L1CAM: variants seen among roughly 807,000 people sequenced by gnomAD.
The protein encoded by L1CAM is L1 cell adhesion molecule.
A neutral mutation model predicts 93.0 loss-of-function variants in L1CAM; 8 were observed. The ratio of observed to expected loss-of-function variants is 0.09; its 90% CI spans 0.05 to 0.16. L1CAM has a LOEUF of 0.16. Ranked by LOEUF, L1CAM falls within the 10% of genes least tolerant of loss-of-function variation. The pLI, the probability that L1CAM is intolerant of heterozygous loss-of-function variation, is 1.00. For missense variants in L1CAM, 777 were observed against 1,073.4 expected (o/e 0.72, Z 3.86); for synonymous variants, 453 against 453.0 (o/e 1.00, Z 0.00).
chrX:153,864,083 T>A, intron 25 of L1CAM, 66 bp from the exon 26 acceptor site: 1 of 1,196,245 alleles, frequency 8.4e-7, no homozygotes, highest in Non-Finnish European at 1.1e-6. Flanking sequence ...GGCCCTGAAG[T>A]ATGCTCTTAA....
In L1CAM at chrX:153,870,368, C is replaced by T. The variant is rs199738316; in HGVS notation, c.806+20G>A. 2 of 1,198,289 alleles carry T rather than the reference C, an allele frequency of 1.7e-6. No individual in the cohort carries two copies. The highest frequency in any genetic ancestry group is 5.9e-5 in the East Asian group (2 of 33,738). ...CGCCACCCTGCCCTGCCCTGCCCTG[C>T]CCTGGGTTCCCAGACTCACAAGCCC... is the stretch of plus-strand genomic sequence containing the variant. On this transcript the variant is annotated intron_variant, in intron 8 of 28. Coordinates refer to ENST00000370060, the MANE Select transcript of L1CAM (RefSeq NM_001278116.2).
Position 153,884,200 on chromosome X carries a change from C to T in L1CAM, c.-109+1865G>A, listed in dbSNP as rs371706434. On this transcript the variant is annotated intron_variant, in intron 1 of 28. Transcript: ENST00000370060. ...GCTCTTCCATGGGCAGCCCAGAGCC[C>T]GGCCCAAAGGAGCACTGGCCATGAG... 5,099 of 993,536 alleles carry T rather than the reference C, an allele frequency of 5.1e-3. 7 individuals carry two copies. The highest frequency in any genetic ancestry group is 6.2e-3 in the Non-Finnish European group (4,701 of 761,029). 81.9% of individuals were successfully genotyped at this position (993,536 alleles called of 1,213,427 possible). A position where few individuals can be genotyped will look rare whatever the true frequency, so the allele number is the denominator to read the frequency against.
intron 19 of L1CAM, chrX:153,866,038 G>A: frequency 2.4e-6 from 1 of 413,181 alleles, no homozygotes; most frequent in Non-Finnish European, 4.3e-6. Flanking sequence ...ACCATGGCTG[G>A]GCGTGATGGT....
chrX:153,873,146 G>A (rs2064787435), intron 3 of L1CAM, 82 bp downstream of exon 3: 2 of 970,969 alleles, frequency 2.1e-6, no homozygotes, highest in South Asian at 1.9e-5. Context: ...ACTCAGGAGG[G>A]CGGGGGTGCA....
chrX:153,877,514 C>T (rs1246098841), intron 1 of L1CAM, among the ~76,000 whole-genome samples: 73 of 109,765 alleles, frequency 6.7e-4, no homozygotes, highest in African/African-American at 2.4e-3. Flanking sequence ...GTAATCCCAG[C>T]TACTTGGGAG....
intron 1 of L1CAM, chrX:153,883,579 G>A (rs782087372): frequency 7.6e-6 from 2 of 264,658 alleles, no homozygotes; most frequent in South Asian, 7.2e-5. Context: ...CCATTGCAGG[G>A]GCAGAGGACA....
chrX:153,877,494 G>T (rs1247089486), intron 1 of L1CAM, among the ~76,000 whole-genome samples: 1 of 108,695 alleles, frequency 9.2e-6, no homozygotes, highest in Non-Finnish European at 1.9e-5. Flanking sequence ...TGGCGTGGTG[G>T]TGCATTCCTG....
rs1220741894 is a variant in L1CAM, at chrX:153,863,001, G to A, written c.3543-107C>T. On this transcript the variant is annotated intron_variant, in intron 28 of 28. Transcript: ENST00000370060. ...CCTGCCTTCCATTTGTTTAGAATGC[G>A]CTCAGAAAGAGCAGCTCTGGCCACC... The A allele has an allele frequency of 5.1e-5, 32 of 632,345 alleles. No individual in the cohort carries two copies. The South Asian group carries it at 6.8e-4, about 13-fold the overall frequency. 52.1% of individuals were successfully genotyped at this position (632,345 alleles called of 1,213,427 possible). A position where few individuals can be genotyped will look rare whatever the true frequency, so the allele number is the denominator to read the frequency against.
chrX:153,881,369 T>C (rs1274903377), intron 1 of L1CAM, among the ~76,000 whole-genome samples: 1 of 111,795 alleles, frequency 8.9e-6, no homozygotes, highest in Non-Finnish European at 1.9e-5. Context: ...CCAACATGTG[T>C]GCCTGCTGGG....
intron 7 of L1CAM, 70 bp downstream of exon 7, chrX:153,870,720 C>T (rs1256001783): frequency 9.3e-7 from 1 of 1,080,566 alleles, no homozygotes; most frequent in African/African-American, 1.8e-5. Context: ...TCAGATGGAC[C>T]TATGGTGGGA....
chrX:153,882,890 G>A (rs2064852862), intron 1 of L1CAM, among the ~76,000 whole-genome samples: 1 of 112,180 alleles, frequency 8.9e-6, no homozygotes, highest in Non-Finnish European at 1.9e-5. Flanking sequence ...ACAAAGAAAA[G>A]CTTCTAGAAA....
Position 153,868,663 on chromosome X carries a change from G to C in L1CAM, c.1444C>G (p.Leu482Val). 8.3e-7 allele frequency: 1 copy of C among 1,211,324 alleles called. No individual in the cohort carries two copies. Among genetic ancestry groups the C allele is most frequent in the Non-Finnish European group, 1.1e-6 (1 of 894,877 alleles). Residue 482 changes from leucine (L) to valine (V), a missense_variant, in exon 13 of 29, where the codon CTG (leucine) becomes GTG (valine). Coordinates refer to ENST00000370060, the MANE Select transcript of L1CAM (RefSeq NM_001278116.2). The part of the protein sequence containing the change: ...ERFFPYANGT[L>V]GIRDLQANDT... ...TTGGCCTGGAGGTCTCGAATGCCCA[G>C]GGTCCCATTGGCATAGGGGAAGAAG...
intron 11 of L1CAM, 94 bp downstream of exon 11, chrX:153,869,426 A>T (rs2064746214): frequency 3.9e-6 from 4 of 1,021,620 alleles, no homozygotes; most frequent in Non-Finnish European, 5.5e-6. Flanking sequence ...GGCCGAGGAC[A>T]CATCAGCTGC....
intron 1 of L1CAM, among the ~76,000 whole-genome samples, chrX:153,879,550 G>A (rs1409618356): frequency 8.9e-6 from 1 of 112,389 alleles, no homozygotes; most frequent in Non-Finnish European, 1.9e-5. Context: ...GCTTCCCGGC[G>A]TGGACGTCAC....
intron 1 of L1CAM, among the ~76,000 whole-genome samples, chrX:153,879,752 G>A (rs1345768770): frequency 9.0e-6 from 1 of 110,761 alleles, no homozygotes; most frequent in African/African-American, 3.3e-5. Flanking sequence ...GGGAACAGGT[G>A]GGGGTCGGGG....
Position 153,871,049 on chromosome X carries a change from G to T in L1CAM, c.523+8C>A, listed in dbSNP as rs375646960. The T allele has an allele frequency of 1.2e-5, 14 of 1,209,115 alleles. No individual in the cohort carries two copies. Among genetic ancestry groups the T allele is most frequent in the Non-Finnish European group, 1.6e-5 (14 of 895,031 alleles). On this transcript the variant is annotated splice_region_variant and intron_variant, in intron 6 of 28. Transcript: ENST00000370060. ...GACCCCACGAGGCAGCCGCTCGCCGGCACCCACTGCTGTTCATCCAGTAGA... is the reference window on the plus strand; with the variant it reads ...GACCCCACGAGGCAGCCGCTCGCCGTCACCCACTGCTGTTCATCCAGTAGA...
At chrX:153,874,993 T>C (rs1407587101) in intron 2 of L1CAM, among the ~76,000 whole-genome samples, 4 of 112,048 alleles carry the variant, frequency 3.6e-5, no homozygotes, top group Admixed American at 1.9e-4. Context: ...ACTCACACAG[T>C]CACCCATGTA....
rs185384091 is a variant in L1CAM at position 153,868,105 on chromosome X, C to T, written c.1721G>A (p.Gly574Glu). 181 of 1,208,766 alleles carry T rather than the reference C, an allele frequency of 1.5e-4. No homozygotes were observed. In the East Asian group the frequency reaches 5.3e-3, roughly 35 times the overall value. Residue 574 changes from glycine to glutamate, a missense_variant, in exon 15 of 29, where the codon GGG (glycine) becomes GAG (glutamate). Transcript: ENST00000370060. ...GTCCAGGCTGTGGATGACCAGGCGC[C>T]CATCCTCTATGAAGTACCTGCGGAG... ...GDSDKYFIED[G>E]RLVIHSLDYS...
At chrX:153,865,570 C>T in intron 20 of L1CAM, 70 bp from the exon 21 acceptor site, 4 of 1,077,842 alleles carry the variant, frequency 3.7e-6, no homozygotes, top group Non-Finnish European at 5.2e-6. Flanking sequence ...CACACCCCCA[C>T]CACCCTTAAT....
Sources: gnomAD v4.1 joint callset for allele counts (sites outside exome capture counted in the v4.1 genomes callset) on GRCh38, gnomAD v4.1.1 for gene constraint, MANE v1.5 for transcripts, NCBI Gene and HGNC (gene_info 2026-07-23, HGNC 2026-07-21) for gene names.